The following EHMT1 variants were observed in gnomAD, a reference collection of about 807,000 sequenced individuals.
The protein encoded by EHMT1 is histone-lysine N-methyltransferase EHMT1.
In EHMT1, 15 loss-of-function variants were observed where a neutral mutation model predicts 147.2. The ratio of observed to expected loss-of-function variants is 0.10; its 90% CI spans 0.07 to 0.16. The LOEUF (loss-of-function observed/expected upper bound fraction) is 0.16, where lower values mean the gene tolerates loss of function less well. Ranked by LOEUF, EHMT1 falls within the 10% of genes least tolerant of loss-of-function variation. The probability of loss-of-function intolerance (pLI) is 1.00; values close to 1 mark genes in which losing one functional copy is unlikely to be tolerated. For missense variants in EHMT1, 1,587 were observed against 1,772.4 expected, an observed-to-expected ratio of 0.90 and a Z score of 1.88; for synonymous variants, 795 against 709.6, an observed-to-expected ratio of 1.12 and a Z score of -1.91.
intron 6 of EHMT1, chr9:137,746,942 A>C (rs1396135906): frequency 6.8e-6 from 1 of 147,332 alleles, no homozygotes; most frequent in East Asian, 1.9e-4. Context: ...AAAAGAATCA[A>C]GAAACAAAAG....
intron 1 of EHMT1, among the ~76,000 whole-genome samples, chr9:137,632,432 C>CT (rs1023570576): frequency 6.6e-5 from 10 of 152,030 alleles, no homozygotes; most frequent in South Asian, 2.1e-4. Context: ...GAGTTGTGCT[C>CT]TTTTTTTTGT....
intron 15 of EHMT1, chr9:137,784,154 A>G: frequency 6.4e-7 from 1 of 1,550,730 alleles, no homozygotes. Context: ...TTGGTGACTT[A>G]TGGTGAGGAC....
rs1479682286 is a variant in EHMT1 at position 137,786,847 on chromosome 9, C to G, written c.2383-4001C>G. 1 of 152,544 alleles carries G rather than the reference C, an allele frequency of 6.6e-6. No individual in the cohort carries two copies. The highest frequency in any genetic ancestry group is 1.5e-5 in the Non-Finnish European group (1 of 68,266). The allele number at this position is 152,544 out of a possible 1,614,324, so 9.4% of individuals were successfully genotyped here. A position where few individuals can be genotyped will look rare whatever the true frequency, so the allele number is the denominator to read the frequency against. ...CCTGGCAGCCGACCTGGAGTCCACC[C>G]CAGCCTTTCGCCGGTGCTGGGGACA... On this transcript the variant is annotated intron_variant, in intron 15 of 26. Transcript: ENST00000460843. This position sits in a 1 kb window ranked among gnomAD's most constrained non-coding sequence, Gnocchi z 4.3.
At chr9:137,644,742 T>A (rs534110145) in intron 1 of EHMT1, among the ~76,000 whole-genome samples, 1 of 152,336 alleles carries the variant, frequency 6.6e-6, no homozygotes, top group African/African-American at 2.4e-5. Context: ...CTGATTGAGA[T>A]CTAGTCATTG....
chr9:137,812,346 A>C (rs998400836), intron 19 of EHMT1, among the ~76,000 whole-genome samples: 1 of 151,202 alleles, frequency 6.6e-6, no homozygotes, highest in African/African-American at 2.5e-5. Flanking sequence ...CTCAAAAAAA[A>C]CCCAAAAAAC....
At chr9:137,677,370 A>G (rs959623041) in intron 1 of EHMT1, among the ~76,000 whole-genome samples, 27 of 152,202 alleles carry the variant, frequency 1.8e-4, no homozygotes, top group African/African-American at 6.3e-4. Flanking sequence ...CTTGGACTCC[A>G]GGGATCTGCC....
At chr9:137,683,846 A>G (rs1404140835) in intron 1 of EHMT1, among the ~76,000 whole-genome samples, 2 of 152,108 alleles carry the variant, frequency 1.3e-5, no homozygotes, top group East Asian at 1.9e-4. Context: ...AATCCCATTC[A>G]AGCAGAATGT....
At chr9:137,811,693 T>G (rs1954498673) in intron 19 of EHMT1, 78 bp downstream of exon 19, 1 of 1,583,560 alleles carries the variant, frequency 6.3e-7, no homozygotes, top group Non-Finnish European at 8.5e-7. Context: ...GACAGTCTTG[T>G]GTTCACACTT....
intron 1 of EHMT1, among the ~76,000 whole-genome samples, chr9:137,623,519 A>C (rs1446985242): frequency 6.6e-6 from 1 of 151,254 alleles, no homozygotes; most frequent in African/African-American, 2.4e-5. Flanking sequence ...GGTTCAAGCG[A>C]TTCTCCTGCC....
chr9:137,815,151 C>T (rs1002364263), intron 22 of EHMT1, among the ~76,000 whole-genome samples: 22 of 151,986 alleles, frequency 1.4e-4, no homozygotes, highest in African/African-American at 5.1e-4. Context: ...CAGGGAGAGG[C>T]AACAGGCGTC....
chr9:137,691,036 C>G (rs961544869), intron 1 of EHMT1, among the ~76,000 whole-genome samples: 3 of 152,104 alleles, frequency 2.0e-5, no homozygotes, highest in African/African-American at 7.2e-5. Context: ...TACCACCATC[C>G]AGCTCCAGAA....
chr9:137,777,359 C>T (rs1333587268), intron 12 of EHMT1: 1 of 189,194 alleles, frequency 5.3e-6, no homozygotes, highest in Admixed American at 5.4e-5. Flanking sequence ...GAGATAGAAG[C>T]CACTTGCCTT....
At chr9:137,680,061 A>G (rs966987123) in intron 1 of EHMT1, among the ~76,000 whole-genome samples, 2 of 151,452 alleles carry the variant, frequency 1.3e-5, no homozygotes, top group East Asian at 1.9e-4. Flanking sequence ...TGTATCTTGT[A>G]TTGTATTCCC....
chr9:137,717,885 G>T (rs1476481746), intron 3 of EHMT1, among the ~76,000 whole-genome samples: 2 of 152,224 alleles, frequency 1.3e-5, no homozygotes, highest in Non-Finnish European at 2.9e-5. Context: ...TGTCACAGAA[G>T]TGAGGGGCAA....
At chr9:137,700,303 C>T (rs573937292) in intron 1 of EHMT1, among the ~76,000 whole-genome samples, 80 of 152,330 alleles carry the variant, frequency 5.3e-4, no homozygotes, top group Middle Eastern at 3.4e-3. Flanking sequence ...TTGGCCTCCA[C>T]GTGCAGCATG....
At position 137,630,687 on chromosome 9, in the gene EHMT1, C is replaced by T. The variant is rs982655418; in HGVS notation, c.21+11638C>T. On this transcript the variant is annotated intron_variant, in intron 1 of 26. Coordinates refer to ENST00000460843, the MANE Select transcript of EHMT1 (RefSeq NM_024757.5). Reference sequence around the variant, plus strand: ...ACTTCCTCTGTCCCGTATTGTCTGACGTGCATTCGTATCTTCAGTGTTTTT... The same window carrying T: ...ACTTCCTCTGTCCCGTATTGTCTGATGTGCATTCGTATCTTCAGTGTTTTT... Among the ~76,000 whole-genome samples the T allele has an allele frequency of 2.0e-5, 3 of 152,098 alleles. No individual in the cohort carries two copies. The East Asian group carries it at 5.8e-4, about 29-fold the overall frequency.
At chr9:137,728,708 T>G in intron 4 of EHMT1, 179 bp downstream of exon 4, 1 of 731,726 alleles carries the variant, frequency 1.4e-6, no homozygotes, top group East Asian at 2.7e-5. Flanking sequence ...TGACCTCTGC[T>G]CTAAGCCTTG....
At chr9:137,779,912 C>T (rs545317060) in intron 14 of EHMT1, among the ~76,000 whole-genome samples, 195 bp downstream of exon 14, 14 of 152,248 alleles carry the variant, frequency 9.2e-5, no homozygotes, top group African/African-American at 2.2e-4. Flanking sequence ...TATCCAGTTA[C>T]GCAAGATATT....
chr9:137,813,386 G>T lies in EHMT1; in HGVS notation c.3036G>T (p.Arg1012Ser). Residue 1012 changes from arginine (R) to serine (S), a missense_variant and splice_region_variant, in exon 21 of 27, where the codon AGG (arginine) becomes AGT (serine). By Grantham distance (110) the Arg-to-Ser change is moderately radical. Transcript: ENST00000460843. This position sits in a 1 kb window ranked among gnomAD's most constrained non-coding sequence, Gnocchi z 4.9. ...RPSPVERIVSRDIARGYERIP... is the reference protein window; with the variant it reads ...RPSPVERIVSSDIARGYERIP... ...GTGACACCTGTCCTTTCCATGGCAG[G>T]GACATCGCTCGAGGCTACGAGCGCA... is the stretch of plus-strand genomic sequence containing the variant. 1.2e-6 allele frequency: 2 copies of T among 1,610,496 alleles called. No individual in the cohort carries two copies. Among genetic ancestry groups the T allele is most frequent in the East Asian group, 2.2e-5 (1 of 44,746 alleles).
Sources: allele counts gnomAD v4.1 joint callset (sites outside exome capture counted in the v4.1 genomes callset), GRCh38; gene constraint gnomAD v4.1.1; non-coding constraint Gnocchi (gnomAD v3.1); transcripts MANE v1.5; gene names NCBI Gene and HGNC (gene_info 2026-07-23, HGNC 2026-07-21).